The following MAPK6 variants were observed in gnomAD, a reference collection of about 807,000 sequenced individuals.
The protein encoded by MAPK6 is ERK-3.
Under a neutral mutation model 59.3 loss-of-function variants are expected in MAPK6, and 19 were observed. The observed-to-expected ratio is 0.32, with a 90% CI of 0.22 to 0.47. The LOEUF (loss-of-function observed/expected upper bound fraction) is 0.47, where lower values mean the gene tolerates loss of function less well. MAPK6 is among the 20% of genes least tolerant of loss of function. The probability of loss-of-function intolerance (pLI) is 1.00; values close to 1 mark genes in which losing one functional copy is unlikely to be tolerated. For synonymous variants in MAPK6, 316 were observed against 290.3 expected, an observed-to-expected ratio of 1.09 and a Z score of -0.90; for missense variants, 724 against 847.9, an observed-to-expected ratio of 0.85 and a Z score of 1.81.
At chr15:52,054,729 TACACACACAC>T (rs35669914) in intron 3 of MAPK6, among the ~76,000 whole-genome samples, 3 of 147,034 alleles carry the variant, frequency 2.0e-5, no homozygotes, top group African/African-American at 5.0e-5. Flanking sequence ...CATATATCTA[TACACACACAC>T]ACACACACAC....
At chr15:52,029,145 A>C (rs141978249) in intron 1 of MAPK6, among the ~76,000 whole-genome samples, 15 of 152,140 alleles carry the variant, frequency 9.9e-5, no homozygotes, top group African/African-American at 3.6e-4. Flanking sequence ...TCAAGTGATT[A>C]TCCTGCCTCA....
At chr15:52,015,152 C>T (rs967192886), upstream of MAPK6, among the ~76,000 whole-genome samples, 3 of 151,872 alleles carry the variant, frequency 2.0e-5, no homozygotes, top group African/African-American at 7.3e-5. Context: ...AGGCATGCAC[C>T]ACCAGGCCCG....
intron 3 of MAPK6, among the ~76,000 whole-genome samples, chr15:52,055,893 G>T (rs949509546): frequency 2.6e-5 from 4 of 152,096 alleles, no homozygotes. Context: ...AAAAATAATT[G>T]GATTTGTTTT....
In MAPK6 at chr15:51,978,425, T is replaced by C. The variant is rs765470436; in HGVS notation, c.-879-4781T>C. On this transcript the variant is annotated intron_variant, in intron 1 of 7. Coordinates refer to the MAPK6 transcript ENST00000691380. Reference sequence around the variant, plus strand: ...CTGGGATTCCAGGCGTGAGCCACCATGCCCAGATTTCAAAAAGGTAATACG... The same window carrying C: ...CTGGGATTCCAGGCGTGAGCCACCACGCCCAGATTTCAAAAAGGTAATACG... Among the ~76,000 whole-genome samples the C allele has an allele frequency of 2.3e-4, 35 of 152,062 alleles. 1 individual carries two copies. The highest frequency in any genetic ancestry group is 4.4e-4 in the Non-Finnish European group (30 of 67,966).
At chr15:51,992,303 ATATT>A (rs1359713388) in intron 2 of MAPK6, among the ~76,000 whole-genome samples, 8 of 92,810 alleles carry the variant, frequency 8.6e-5, no homozygotes, top group East Asian at 9.7e-4. Flanking sequence ...ATATATATAT[ATATT>A]TTTTTTTTTT....
Position 52,067,368 on chromosome 15 carries a change from G to C in MAPK6, c.*2368G>C, listed in dbSNP as rs1282049652. The C allele has an allele frequency of 6.6e-6, 1 of 152,164 alleles. No homozygotes were observed. Among genetic ancestry groups the C allele is most frequent in the Non-Finnish European group, 1.5e-5 (1 of 68,040 alleles). 9.4% of individuals were successfully genotyped at this position (152,164 alleles called of 1,614,324 possible). On this transcript the variant is annotated 3_prime_UTR_variant, in exon 6 of 6. Transcript: ENST00000261845. ...TCAATTTCCAATAAAAATTTTATGT[G>C]CCAATTACTTTGTCTCCACTTGCAA...
At chr15:52,020,161 C>T (rs957177554) in intron 1 of MAPK6, 2 of 152,228 alleles carry the variant, frequency 1.3e-5, no homozygotes, top group Admixed American at 6.5e-5. Flanking sequence ...TGTCGGTTCA[C>T]CAAAAAGGGC....
At chr15:52,027,617 A>AT (rs11434208) in intron 1 of MAPK6, 85,682 of 131,014 alleles carry the variant, frequency 0.65, 29,090 homozygotes, top group Non-Finnish European at 0.76. Flanking sequence ...TTTAATCTTA[A>AT]TTTTTTTTTT....
intron 1 of MAPK6, among the ~76,000 whole-genome samples, chr15:52,041,275 C>T (rs548762566): frequency 5.9e-5 from 9 of 152,240 alleles, no homozygotes; most frequent in African/African-American, 2.2e-4. Flanking sequence ...CGGCTCACAG[C>T]GACCTCCACC....
chr15:52,015,102 G>T (rs1454330440), upstream of MAPK6, among the ~76,000 whole-genome samples: 1 of 152,108 alleles, frequency 6.6e-6, no homozygotes, highest in Non-Finnish European at 1.5e-5. Flanking sequence ...CCGGGTTCAA[G>T]CAATTCTCCT....
At chr15:52,045,156 C>A (rs2141083747) in intron 1 of MAPK6, among the ~76,000 whole-genome samples, 1 of 152,160 alleles carries the variant, frequency 6.6e-6, no homozygotes, top group Admixed American at 6.5e-5. Flanking sequence ...TGCCAAATTG[C>A]TCTGAAGTTT....
intron 2 of MAPK6, among the ~76,000 whole-genome samples, chr15:51,998,309 A>G (rs1174409737): frequency 1.3e-5 from 2 of 151,640 alleles, no homozygotes; most frequent in Non-Finnish European, 2.9e-5. Flanking sequence ...AGTTCAAGTG[A>G]TTTTTGTGCC....
At chr15:51,993,455 T>A (rs1333798740) in intron 2 of MAPK6, among the ~76,000 whole-genome samples, 2 of 152,216 alleles carry the variant, frequency 1.3e-5, no homozygotes, top group Admixed American at 1.3e-4. Context: ...TAAGTCATCA[T>A]GTTAAGGATA....
chr15:52,006,872 C>CAGCTT (rs2029904540), intron 3 of MAPK6, among the ~76,000 whole-genome samples: 1 of 152,132 alleles, frequency 6.6e-6, no homozygotes, highest in Non-Finnish European at 1.5e-5. Context: ...TAGGAAGGTA[C>CAGCTT]AGACAGTCCC....
At chr15:52,009,972 C>T (rs533170268) in intron 3 of MAPK6, among the ~76,000 whole-genome samples, 1 of 152,134 alleles carries the variant, frequency 6.6e-6, no homozygotes, top group South Asian at 2.1e-4. Context: ...ACAGTTTCAC[C>T]ATCTTGGCCA....
At chr15:51,981,131 A>T (rs940198383) in intron 1 of MAPK6, among the ~76,000 whole-genome samples, 9 of 151,810 alleles carry the variant, frequency 5.9e-5, no homozygotes, top group Non-Finnish European at 1.0e-4. Context: ...GAGAGTTTGG[A>T]CATGCAAATA....
chr15:51,992,123 G>A (rs114204917), intron 2 of MAPK6, among the ~76,000 whole-genome samples: 2,954 of 151,462 alleles, frequency 0.02, 113 homozygotes, highest in African/African-American at 0.068. Context: ...CGCTTGGCTC[G>A]TTGTTTGTAT....
intron 3 of MAPK6, among the ~76,000 whole-genome samples, chr15:52,052,835 T>C (rs975713811): frequency 6.6e-6 from 1 of 152,218 alleles, no homozygotes; most frequent in Non-Finnish European, 1.5e-5. Context: ...TTATGAATTA[T>C]GCTGTTGTAA....
At chr15:51,991,166 C>A (rs1459072548) in intron 2 of MAPK6, among the ~76,000 whole-genome samples, 1 of 146,712 alleles carries the variant, frequency 6.8e-6, no homozygotes, top group Non-Finnish European at 1.5e-5. Context: ...CACACACACA[C>A]ACACACACAC....
Sources: gnomAD v4.1 joint callset for allele counts (sites outside exome capture counted in the v4.1 genomes callset) on GRCh38, gnomAD v4.1.1 for gene constraint, MANE v1.5 for transcripts, NCBI Gene and HGNC (gene_info 2026-07-23, HGNC 2026-07-21) for gene names.